TRMT44: variants seen among roughly 807,000 people sequenced by gnomAD.
The protein encoded by TRMT44 is tRNA methyltransferase 44 homolog.
TRMT44 carries 78 observed loss-of-function variants against 77.3 expected under a neutral mutation model. The observed-to-expected ratio is 1.01, with a 90% CI of 0.84 to 1.22. TRMT44 has a LOEUF of 1.22. TRMT44 is among the 50% of genes most tolerant of loss of function. The pLI is 0.00. For missense variants in TRMT44, 1,090 were observed against 964.4 expected (o/e 1.13, Z -1.73); for synonymous variants, 391 against 383.3 (o/e 1.02, Z -0.23).
intron 7 of TRMT44, among the ~76,000 whole-genome samples, chr4:8,465,099 A>C (rs1342380405): frequency 2.0e-5 from 3 of 149,028 alleles, no homozygotes; most frequent in African/African-American, 4.9e-5. Context: ...AGTTTGAAAA[A>C]CCCCCTGGTA....
chr4:8,449,906 T>G lies in TRMT44; in HGVS notation c.954+18T>G. The stretch of plus-strand genomic sequence containing the variant: ...TGGTTAAGGTAATTCTGGTGGAGAA[T>G]ATCTGATTTTTCCCCCTTCATGATT... On this transcript the variant is annotated intron_variant, in intron 3 of 10. Coordinates refer to ENST00000389737, the MANE Select transcript of TRMT44 (RefSeq NM_152544.3). 7.3e-7 allele frequency: 1 copy of G among 1,362,120 alleles called. No homozygotes were observed. Among genetic ancestry groups the G allele is most frequent in the African/African-American group, 1.5e-5 (1 of 68,024 alleles). The allele number at this position is 1,362,120 out of a possible 1,614,324, so 84.4% of individuals were successfully genotyped here. A position where few individuals can be genotyped will look rare whatever the true frequency, so the allele number is the denominator to read the frequency against.
chr4:8,494,275 A>T (rs1289447524), downstream of TRMT44, among the ~76,000 whole-genome samples: 1 of 152,038 alleles, frequency 6.6e-6, no homozygotes, highest in African/African-American at 2.4e-5. Flanking sequence ...GGGCCCCAAG[A>T]TCTTCACCCT....
At position 8,475,833 on chromosome 4, in the gene TRMT44, A is replaced by T; in HGVS notation, c.2106A>T (p.Gln702His). 1 of 1,614,198 alleles carries T rather than the reference A, an allele frequency of 6.2e-7. No individual in the cohort carries two copies. The highest frequency in any genetic ancestry group is 8.5e-7 in the Non-Finnish European group (1 of 1,180,036). Residue 702 changes from glutamine to histidine, a missense_variant, in exon 11 of 11, where the codon CAA (glutamine) becomes CAT (histidine). By Grantham distance (24) the Gln-to-His change is conservative (BLOSUM62 0). Coordinates refer to ENST00000389737, the MANE Select transcript of TRMT44 (RefSeq NM_152544.3). ...WREETLWKTK[Q>H]PEAKQRLLSE... ...AGGAGACACTGTGGAAGACAAAGCA[A>T]CCGGAAGCGAAACAGAGACTGCTCT...
chr4:8,503,026 C>T, the TRMT44 span, among the ~76,000 whole-genome samples: 1 of 152,324 alleles, frequency 6.6e-6, no homozygotes, highest in African/African-American at 2.4e-5. Context: ...GGGGCGTTCC[C>T]CACCCCTCAC....
intron 2 of TRMT44, among the ~76,000 whole-genome samples, chr4:8,489,456 T>TTTTCG (rs1217964106): frequency 3.7e-5 from 5 of 136,984 alleles, no homozygotes; most frequent in African/African-American, 5.5e-5. Context: ...TGTAGTTTTG[T>TTTTCG]TTTCGTTTTG....
chr4:8,458,994 T>C (rs185063249), intron 6 of TRMT44, among the ~76,000 whole-genome samples: 39 of 148,646 alleles, frequency 2.6e-4, no homozygotes, highest in African/African-American at 8.7e-4. Context: ...AGTCCAGGAG[T>C]GCGAGACCAG....
At chr4:8,504,461 C>A in the TRMT44 span, among the ~76,000 whole-genome samples, 2 of 152,144 alleles carry the variant, frequency 1.3e-5, no homozygotes, top group African/African-American at 4.8e-5. The surrounding 1 kb of genome is among the most constrained non-coding windows in gnomAD (Gnocchi z 5.3). Flanking sequence ...CTGCCCCGCC[C>A]CACTCATTGT....
chr4:8,489,460 C>CGTTTTGTTTTGTTTT (rs3068622), intron 2 of TRMT44, among the ~76,000 whole-genome samples: 175 of 150,456 alleles, frequency 1.2e-3, no homozygotes, highest in Middle Eastern at 3.4e-3. Flanking sequence ...GTTTTGTTTT[C>CGTTTTGTTTTGTTTT]GTTTTGTTTT....
intron 6 of TRMT44, among the ~76,000 whole-genome samples, chr4:8,460,168 C>T (rs1726058334): frequency 6.6e-6 from 1 of 152,192 alleles, no homozygotes; most frequent in African/African-American, 2.4e-5. Context: ...ATGAGTAGCC[C>T]TCAGGAGCCG....
intron 10 of TRMT44, 61 bp from the exon 11 acceptor site, chr4:8,475,711 T>G: frequency 2.6e-6 from 4 of 1,529,994 alleles, no homozygotes; most frequent in Non-Finnish European, 3.6e-6. Flanking sequence ...AAAGAGAGGC[T>G]GGTGAATTAA....
rs1041942587 is a variant in TRMT44, at chr4:8,461,586, A to G, written c.1204-2399A>G. On this transcript the variant is annotated intron_variant, in intron 6 of 10. Coordinates refer to ENST00000389737, the MANE Select transcript of TRMT44 (RefSeq NM_152544.3). The surrounding 1 kb of genome is among the most constrained non-coding windows in gnomAD (Gnocchi z 4.6). ...CTGAGGTTTCCCAGCAGCCTGCATC[A>G]GACTTTTCTGTAGGGTCATCTGACC... Among the ~76,000 whole-genome samples the G allele has an allele frequency of 4.6e-5, 7 of 152,202 alleles. No homozygotes were observed. Among genetic ancestry groups the G allele is most frequent in the African/African-American group, 1.7e-4 (7 of 41,456 alleles).
intron 2 of TRMT44, among the ~76,000 whole-genome samples, chr4:8,491,783 C>T (rs562043514): frequency 9.8e-5 from 15 of 152,358 alleles, no homozygotes; most frequent in African/African-American, 3.1e-4. Context: ...TTCCCGCTCG[C>T]GCCTCTCCCT....
In TRMT44 at chr4:8,446,574, C is replaced by T; in HGVS notation, c.718C>T (p.His240Tyr). 6.5e-7 allele frequency: 1 copy of T among 1,534,940 alleles called. No homozygotes were observed. Among genetic ancestry groups the T allele is most frequent in the Non-Finnish European group, 8.7e-7 (1 of 1,145,776 alleles). ...CAATGTGTATCAAATTCAGCTCAGT[C>T]ATAGCAAAGAAGAATGGTAAGAGCT... ...MSNVYQIQLS[H>Y]SKEEWFISVL... The change falls in exon 2 of 11, where the codon CAT becomes TAT. Residue 240 changes from histidine to tyrosine, a missense_variant. Transcript: ENST00000389737. The surrounding 1 kb of genome is among the most constrained non-coding windows in gnomAD (Gnocchi z 4.3).
In TRMT44 at chr4:8,441,182, C is replaced by G. The variant is rs765460443; in HGVS notation, c.360C>G (p.Pro120=). Residue 120 remains proline (P), a synonymous_variant, in exon 1 of 11, where the codon CCC becomes CCG. Coordinates refer to ENST00000389737, the MANE Select transcript of TRMT44 (RefSeq NM_152544.3). ...CACAGAGGGAAGCCGCCTCAGTGCC[C>G]CTGAGGGACTCCGGGCACCCCGGCC... ...EEAQREAASV[P]LRDSGHPGHA... 2 of 1,534,282 alleles carry G rather than the reference C, an allele frequency of 1.3e-6. No individual in the cohort carries two copies. The highest frequency in any genetic ancestry group is 3.9e-5 in the Admixed American group (2 of 50,832).
chr4:8,492,486 C>T (rs1270434997), intron 2 of TRMT44, among the ~76,000 whole-genome samples: 2 of 152,150 alleles, frequency 1.3e-5, no homozygotes, highest in African/African-American at 2.4e-5. Flanking sequence ...CATCCCCGGG[C>T]GTAGGCTCAA....
rs140152809 is a variant in TRMT44 at position 8,452,164 on chromosome 4, G to T, written c.1023+136G>T. The T allele has an allele frequency of 1.3e-6, 1 of 779,026 alleles. No individual in the cohort carries two copies. The highest frequency in any genetic ancestry group is 2.1e-6 in the Non-Finnish European group (1 of 474,536). 48.3% of individuals were successfully genotyped at this position (779,026 alleles called of 1,614,324 possible). A position where few individuals can be genotyped will look rare whatever the true frequency, so the allele number is the denominator to read the frequency against. On this transcript the variant is annotated intron_variant, in intron 4 of 10. Coordinates refer to ENST00000389737, the MANE Select transcript of TRMT44 (RefSeq NM_152544.3). This position sits in a 1 kb window ranked among gnomAD's most constrained non-coding sequence, Gnocchi z 5.7. ...TTCTGCTGGCCAAGGTTGGTTTCTC[G>T]TGTAATGGTTTGACTTCATGTGGTC...
In TRMT44 at chr4:8,490,754, C is replaced by T. The variant is rs888346290; in HGVS notation, n.3892-2512C>T. On this transcript the variant is annotated intron_variant and non_coding_transcript_variant, in intron 2 of 2. Coordinates refer to the TRMT44 transcript ENST00000511366. ...TCCACAGTGTGGAAGGGGCCCCGAG[C>T]GGGTTGCCACTGCTGACTGGAGCAG... Among the ~76,000 whole-genome samples the T allele has an allele frequency of 1.7e-4, 26 of 152,280 alleles. No individual in the cohort carries two copies. In the South Asian group the frequency reaches 1.9e-3, roughly 11 times the overall value.
chr4:8,455,779 A>G (rs6853810), intron 6 of TRMT44, among the ~76,000 whole-genome samples: 8,593 of 152,284 alleles, frequency 0.056, 401 homozygotes, highest in African/African-American at 0.13. Flanking sequence ...TAACAACAAC[A>G]CAAGTACAGC....
intron 10 of TRMT44, among the ~76,000 whole-genome samples, chr4:8,475,225 A>G (rs1727296862): frequency 6.6e-6 from 1 of 152,174 alleles, no homozygotes; most frequent in Admixed American, 6.5e-5. Context: ...TTCTGCCCGT[A>G]ATGCTGACAC....
Sources: allele counts gnomAD v4.1 joint callset (sites outside exome capture counted in the v4.1 genomes callset), GRCh38; gene constraint gnomAD v4.1.1; non-coding constraint Gnocchi (gnomAD v3.1); transcripts MANE v1.5; gene names NCBI Gene and HGNC (gene_info 2026-07-23, HGNC 2026-07-21).